Variants in ZRANB1 observed in about 807,000 individuals in gnomAD.
ZRANB1 encodes ubiquitin thioesterase ZRANB1.
A neutral mutation model predicts 80.5 loss-of-function variants in ZRANB1; 16 were observed. That is an observed-to-expected ratio of 0.20 (90% CI 0.13 to 0.30). ZRANB1 has a LOEUF of 0.30. Ranked by LOEUF, ZRANB1 falls within the 10% of genes least tolerant of loss-of-function variation. The pLI is 1.00. For synonymous variants in ZRANB1, 291 were observed against 293.1 expected (o/e 0.99, Z 0.07); for missense variants, 576 against 862.6 (o/e 0.67, Z 4.16).
At chr10:124,945,007 C>T (rs78484962) in intron 1 of ZRANB1, among the ~76,000 whole-genome samples, 5,204 of 152,106 alleles carry the variant, frequency 0.034, 281 homozygotes, top group African/African-American at 0.11. Flanking sequence ...AATTGAGGGG[C>T]AACATACAGT....
intron 6 of ZRANB1, among the ~76,000 whole-genome samples, chr10:124,982,183 T>A (rs1366200773): frequency 6.6e-6 from 1 of 152,210 alleles, no homozygotes; most frequent in Non-Finnish European, 1.5e-5. Context: ...CAGCATAGGC[T>A]TGATGCCTAT....
At chr10:124,976,845 T>G (rs896622405) in intron 5 of ZRANB1, among the ~76,000 whole-genome samples, 2 of 152,054 alleles carry the variant, frequency 1.3e-5, no homozygotes, top group Non-Finnish European at 2.9e-5. Flanking sequence ...GTGCTAGGAT[T>G]ACAGGCGTGA....
chr10:124,967,156 A>G (rs1226540489), intron 2 of ZRANB1, among the ~76,000 whole-genome samples: 1 of 152,262 alleles, frequency 6.6e-6, no homozygotes, highest in Non-Finnish European at 1.5e-5. Context: ...AAGTAGAGAA[A>G]TGAACAGGTA....
At chr10:124,984,719 C>T in intron 8 of ZRANB1, 55 bp from the exon 9 acceptor site, 1 of 1,553,020 alleles carries the variant, frequency 6.4e-7, no homozygotes, top group Non-Finnish European at 8.8e-7. Context: ...CACATTCCTA[C>T]CAAGTCTCTG....
chr10:124,965,110 G>A (rs1253542980), intron 1 of ZRANB1, among the ~76,000 whole-genome samples: 1 of 151,966 alleles, frequency 6.6e-6, no homozygotes, highest in Non-Finnish European at 1.5e-5. Flanking sequence ...TTTATCTCAT[G>A]CCATCCTTGA....
At chr10:124,932,061 T>C in the ZRANB1 span, among the ~76,000 whole-genome samples, 1 of 152,212 alleles carries the variant, frequency 6.6e-6, no homozygotes, top group Admixed American at 6.5e-5. Context: ...GTTGGAATCA[T>C]ACATTATGTA....
At chr10:124,926,808 G>T in the ZRANB1 span, among the ~76,000 whole-genome samples, 12 of 152,188 alleles carry the variant, frequency 7.9e-5, no homozygotes, top group Admixed American at 2.0e-4. Flanking sequence ...ACAAACGTGA[G>T]TAATGAATGT....
In ZRANB1 at chr10:124,987,285, G is replaced by T. The variant is rs1952075001; in HGVS notation, c.*2293G>T. Reference sequence around the variant, plus strand: ...GGAGAGTAAGTCATACCTGCACTCTGTGGACTTGATGGTTCTTTTTCTAGA... The same window carrying T: ...GGAGAGTAAGTCATACCTGCACTCTTTGGACTTGATGGTTCTTTTTCTAGA... On this transcript the variant is annotated 3_prime_UTR_variant, in exon 9 of 9. Coordinates refer to ENST00000359653, the MANE Select transcript of ZRANB1 (RefSeq NM_017580.3). 6.6e-6 allele frequency: 1 copy of T among 152,516 alleles called. No individual in the cohort carries two copies. Among genetic ancestry groups the T allele is most frequent in the Non-Finnish European group, 1.5e-5 (1 of 68,026 alleles). The allele number at this position is 152,516 out of a possible 1,614,324, so 9.4% of individuals were successfully genotyped here.
Position 124,963,554 on chromosome 10 carries a change from G to GTTT in ZRANB1, c.815-3019_815-3017dup, listed in dbSNP as rs760813299. On this transcript the variant is annotated intron_variant, in intron 1 of 8. Transcript: ENST00000359653. ...ATTGTAAGGTTTTTTTTTTTTGTTT[G>GTTT]TTTTTTTTTTTTTTTTTTTTTTTGG... Among the ~76,000 whole-genome samples, 353 of 57,462 alleles carry GTTT rather than the reference G, an allele frequency of 6.1e-3. 2 individuals carry two copies. The highest frequency in any genetic ancestry group is 8.1e-3 in the Non-Finnish European group (250 of 30,796). 37.7% of individuals were successfully genotyped at this position (57,462 alleles called of 152,430 possible). A position where few individuals can be genotyped will look rare whatever the true frequency, so the allele number is the denominator to read the frequency against.
intron 1 of ZRANB1, among the ~76,000 whole-genome samples, chr10:124,954,140 GTTTTTTTTTTTT>G (rs55962412): frequency 5.7e-5 from 3 of 52,510 alleles, no homozygotes; most frequent in African/African-American, 2.5e-4. Flanking sequence ...GCTAATTCCT[GTTTTTTTTTTTT>G]TTTTTTTTTT....
intron 3 of ZRANB1, among the ~76,000 whole-genome samples, chr10:124,973,261 C>G (rs1951842557): frequency 6.6e-6 from 1 of 152,188 alleles, no homozygotes; most frequent in Non-Finnish European, 1.5e-5. Context: ...TCAAACAGTT[C>G]TCTCACCGTA....
chr10:124,985,017 C>T lies in ZRANB1; in HGVS notation c.*25C>T. 2 of 1,551,822 alleles carry T rather than the reference C, an allele frequency of 1.3e-6. No homozygotes were observed. The highest frequency in any genetic ancestry group is 1.8e-6 in the Non-Finnish European group (2 of 1,135,904). On this transcript the variant is annotated 3_prime_UTR_variant, in exon 9 of 9. Transcript: ENST00000359653. Reference sequence around the variant, plus strand: ...AAAAAAAAAATCAAACAGCAGAAGACCAAGGCATCAGATCTGTAATGACCC... The same window carrying T: ...AAAAAAAAAATCAAACAGCAGAAGATCAAGGCATCAGATCTGTAATGACCC...
chr10:124,978,562 C>T (rs1394876625), intron 5 of ZRANB1, among the ~76,000 whole-genome samples: 7 of 152,070 alleles, frequency 4.6e-5, no homozygotes, highest in South Asian at 2.1e-4. Flanking sequence ...CAATTTCCCA[C>T]GGGGCAGGTG....
Position 124,987,879 on chromosome 10 carries a change from A to ATACT in ZRANB1, c.*2887_*2888insTACT, listed in dbSNP as rs2134028161. 6.6e-6 allele frequency: 1 copy of ATACT among 152,386 alleles called. No homozygotes were observed. The highest frequency in any genetic ancestry group is 2.1e-4 in the South Asian group (1 of 4,822). The allele number at this position is 152,386 out of a possible 1,614,324, so 9.4% of individuals were successfully genotyped here. A position where few individuals can be genotyped will look rare whatever the true frequency, so the allele number is the denominator to read the frequency against. On this transcript the variant is annotated 3_prime_UTR_variant, in exon 9 of 9. Coordinates refer to ENST00000359653, the MANE Select transcript of ZRANB1 (RefSeq NM_017580.3). ...TTAGTATAAAGGTTTAATTCTATTT[A>ATACT]AAAAGAAGATCCATTAAATCAAGCT...
At chr10:124,927,319 A>G in the ZRANB1 span, among the ~76,000 whole-genome samples, 1 of 152,226 alleles carries the variant, frequency 6.6e-6, no homozygotes, top group Non-Finnish European at 1.5e-5. Flanking sequence ...TGAAGAAATT[A>G]TCCCTATTCT....
rs1303223947 is a variant in ZRANB1, at chr10:124,981,907, T to C, written c.1548+78T>C. ...TAAACTGGTTTATTTGAGCAAACCATGTTGGGGGCAATGTGGTCAAAGAAA... is the reference window on the plus strand; with the variant it reads ...TAAACTGGTTTATTTGAGCAAACCACGTTGGGGGCAATGTGGTCAAAGAAA... On this transcript the variant is annotated intron_variant, in intron 6 of 8. Transcript: ENST00000359653. 5.8e-6 allele frequency: 9 copies of C among 1,549,958 alleles called. No homozygotes were observed. In the Admixed American group the frequency reaches 7.6e-5, roughly 13 times the overall value.
chr10:124,980,850 C>G (rs112673721), intron 5 of ZRANB1, among the ~76,000 whole-genome samples: 24 of 152,304 alleles, frequency 1.6e-4, no homozygotes, highest in African/African-American at 5.8e-4. Context: ...CTCAGGCAAT[C>G]CTCCTCCTTC....
chr10:124,923,924 A>C, the ZRANB1 span, among the ~76,000 whole-genome samples: 1 of 150,654 alleles, frequency 6.6e-6, no homozygotes, highest in East Asian at 1.9e-4. Flanking sequence ...GCAAAGTAGC[A>C]AGACCCTATC....
chr10:124,950,606 C>A (rs1951630474), intron 1 of ZRANB1, among the ~76,000 whole-genome samples: 1 of 152,126 alleles, frequency 6.6e-6, no homozygotes, highest in Admixed American at 6.5e-5. Context: ...TGCCAGAAAT[C>A]CGTATAACGT....
Sources: allele counts gnomAD v4.1 joint callset (sites outside exome capture counted in the v4.1 genomes callset), GRCh38; gene constraint gnomAD v4.1.1; transcripts MANE v1.5; gene names NCBI Gene and HGNC (gene_info 2026-07-23, HGNC 2026-07-21).